NCKAP5: variants seen among roughly 807,000 people sequenced by gnomAD.
NCKAP5 encodes nck-associated protein 5.
NCKAP5 carries 92 observed loss-of-function variants against 167.0 expected under a neutral mutation model. The observed-to-expected ratio is 0.55, with a 90% CI of 0.47 to 0.66. NCKAP5 has a LOEUF of 0.66. Ranked by LOEUF, NCKAP5 falls within the 30% of genes least tolerant of loss-of-function variation. The pLI is 0.00. For missense variants in NCKAP5, 2,378 were observed against 2,315.0 expected, an observed-to-expected ratio of 1.03 and a Z score of -0.56; for synonymous variants, 891 against 877.4, an observed-to-expected ratio of 1.02 and a Z score of -0.27.
intron 7 of NCKAP5, among the ~76,000 whole-genome samples, chr2:132,975,249 G>A (rs1272817955): frequency 6.6e-6 from 1 of 152,148 alleles, no homozygotes; most frequent in Non-Finnish European, 1.5e-5. Flanking sequence ...CTTACAAAGA[G>A]AACTAAGCAC....
intron 2 of NCKAP5, among the ~76,000 whole-genome samples, chr2:133,519,727 T>A (rs1392851738): frequency 6.6e-6 from 1 of 152,186 alleles, no homozygotes; most frequent in Admixed American, 6.5e-5. Flanking sequence ...GAATACTGTA[T>A]GGAAAACAAT....
chr2:132,998,152 T>A (rs1297287669), intron 6 of NCKAP5, among the ~76,000 whole-genome samples: 4 of 152,248 alleles, frequency 2.6e-5, no homozygotes, highest in Non-Finnish European at 4.4e-5. Flanking sequence ...AGAACTCGGT[T>A]AAAATGAAAT....
At position 133,373,669 on chromosome 2, in the gene NCKAP5, A is replaced by G. The variant is rs550919755; in HGVS notation, c.70-70559T>C. 3.1e-3 allele frequency among the ~76,000 whole-genome samples: 476 copies of G among 152,356 alleles called. 3 individuals carry two copies. The highest frequency in any genetic ancestry group is 0.011 in the African/African-American group (453 of 41,584). On this transcript the variant is annotated intron_variant, in intron 3 of 19. Transcript: ENST00000409261. ...ACCGTCTGACTTCAAAATGCACTAC[A>G]TGGAGACTCAAATCAGGACCTTGTG...
the NCKAP5 span, among the ~76,000 whole-genome samples, chr2:133,591,093 C>T: frequency 1.3e-5 from 2 of 152,122 alleles, no homozygotes; most frequent in Non-Finnish European, 2.9e-5. Context: ...CTGGAGTCCA[C>T]ACTGCAGAGA....
At chr2:133,248,152 C>A (rs1015683682) in intron 4 of NCKAP5, among the ~76,000 whole-genome samples, 1 of 152,192 alleles carries the variant, frequency 6.6e-6, no homozygotes, top group Non-Finnish European at 1.5e-5. Context: ...GCTGGTCACA[C>A]AACTTTCGTT....
intron 6 of NCKAP5, among the ~76,000 whole-genome samples, chr2:133,005,453 C>T (rs1238529705): frequency 6.6e-6 from 1 of 152,090 alleles, no homozygotes; most frequent in African/African-American, 2.4e-5. Context: ...ATATCATTTC[C>T]CATGTTCAGT....
chr2:133,412,724 T>C (rs1232756213), intron 3 of NCKAP5, among the ~76,000 whole-genome samples: 1 of 152,234 alleles, frequency 6.6e-6, no homozygotes, highest in Non-Finnish European at 1.5e-5. Context: ...TCTAAAACTT[T>C]ATTGGCAACT....
intron 3 of NCKAP5, among the ~76,000 whole-genome samples, chr2:133,379,769 A>C (rs1686389734): frequency 6.6e-6 from 1 of 152,226 alleles, no homozygotes; most frequent in Admixed American, 6.5e-5. Context: ...AGGTAATGTC[A>C]GCGCACTTCA....
At chr2:133,449,816 TCA>T (rs1691431413) in intron 3 of NCKAP5, among the ~76,000 whole-genome samples, 2 of 152,180 alleles carry the variant, frequency 1.3e-5, no homozygotes, top group South Asian at 4.1e-4. Flanking sequence ...CATCCAAATC[TCA>T]CAGTTTCCAG....
rs181646007 is a variant in NCKAP5, at chr2:132,926,099, C to T, written c.579+37621G>A. 9 of 293,770 alleles carry T rather than the reference C, an allele frequency of 3.1e-5. No individual in the cohort carries two copies. The East Asian group carries it at 8.2e-4, about 27-fold the overall frequency. 18.2% of individuals were successfully genotyped at this position (293,770 alleles called of 1,614,324 possible). ...CACACACTTTAGGTCCATGTGTACA[C>T]ATTATTTAGTTCCCACTTACAAGTG... is the stretch of plus-strand genomic sequence containing the variant. On this transcript the variant is annotated intron_variant, in intron 8 of 19. Transcript: ENST00000409261.
chr2:133,204,005 G>C (rs999585567), intron 5 of NCKAP5, among the ~76,000 whole-genome samples: 1 of 152,148 alleles, frequency 6.6e-6, no homozygotes, highest in Non-Finnish European at 1.5e-5. Flanking sequence ...CTCAACAGAA[G>C]TTATTGCTTT....
intron 19 of NCKAP5, among the ~76,000 whole-genome samples, chr2:132,710,342 T>G (rs1321993474): frequency 2.0e-5 from 3 of 152,278 alleles, no homozygotes; most frequent in Non-Finnish European, 4.4e-5. Flanking sequence ...TCAACAACAA[T>G]CAAGAATGTC....
At chr2:133,069,211 G>A (rs2080303159) in intron 6 of NCKAP5, among the ~76,000 whole-genome samples, 1 of 152,092 alleles carries the variant, frequency 6.6e-6, no homozygotes, top group Admixed American at 6.5e-5. Context: ...TAAAGCACTG[G>A]AAAATAAAAT....
chr2:132,713,121 C>T (rs1467202531), intron 19 of NCKAP5, among the ~76,000 whole-genome samples: 1 of 150,866 alleles, frequency 6.6e-6, no homozygotes, highest in Non-Finnish European at 1.5e-5. Context: ...GCATTTTTTG[C>T]TTTGTTCAAT....
chr2:132,814,729 G>T (rs955350458), intron 11 of NCKAP5, among the ~76,000 whole-genome samples: 1 of 152,160 alleles, frequency 6.6e-6, no homozygotes, highest in African/African-American at 2.4e-5. Flanking sequence ...CTAAAGATGA[G>T]ACTGTAACAT....
intron 6 of NCKAP5, among the ~76,000 whole-genome samples, chr2:133,042,319 A>G (rs896565165): frequency 1.1e-4 from 17 of 152,242 alleles, no homozygotes; most frequent in Admixed American, 3.3e-4. Flanking sequence ...TGCCTCACTG[A>G]GTAGCACTGA....
chr2:133,349,910 T>C (rs548151406), intron 3 of NCKAP5, among the ~76,000 whole-genome samples: 5 of 152,358 alleles, frequency 3.3e-5, no homozygotes, highest in African/African-American at 4.8e-5. Context: ...AACTTAATTA[T>C]ATTTTTTTAA....
Position 132,709,937 on chromosome 2 carries a change from A to T in NCKAP5, c.5713+15690T>A, listed in dbSNP as rs1688694775. ...TCATTTATTAAAATGGTTAATAAAA[A>T]ATAAAATTTGTTAATAAATCAATAT... On this transcript the variant is annotated intron_variant, in intron 19 of 19. Coordinates refer to ENST00000409261, the MANE Select transcript of NCKAP5 (RefSeq NM_207363.3). Among the ~76,000 whole-genome samples the T allele has an allele frequency of 2.6e-5, 4 of 152,178 alleles. 1 individual carries two copies. The South Asian group carries it at 8.3e-4, about 32-fold the overall frequency.
chr2:132,773,876 T>C lies in NCKAP5; in HGVS notation c.5068A>G (p.Asn1690Asp). ...KDSLVKEANENLQEDEDDAVA... is the reference protein window; with the variant it reads ...KDSLVKEANEDLQEDEDDAVA... ...GCATCGTCTTCATCCTCTTGCAAGTTTTCATTTGCCTCTTTTACCTGCAGG... is the reference window on the plus strand; with the variant it reads ...GCATCGTCTTCATCCTCTTGCAAGTCTTCATTTGCCTCTTTTACCTGCAGG... Residue 1690 changes from asparagine to aspartate, a missense_variant, in exon 16 of 20, where the codon AAC becomes GAC. Around this residue, in one of 3 missense-constraint regions of NCKAP5, gnomAD observed 1,325 missense variants for 1,274.5 expected, o/e 1.04. Coordinates refer to ENST00000409261, the MANE Select transcript of NCKAP5 (RefSeq NM_207363.3). 1 of 1,610,790 alleles carries C rather than the reference T, an allele frequency of 6.2e-7. No homozygotes were observed. The highest frequency in any genetic ancestry group is 1.1e-5 in the South Asian group (1 of 89,998).
Sources: allele counts gnomAD v4.1 joint callset (sites outside exome capture counted in the v4.1 genomes callset), GRCh38; gene constraint gnomAD v4.1.1; regional missense constraint gnomAD v4.1.1; transcripts MANE v1.5; gene names NCBI Gene and HGNC (gene_info 2026-07-23, HGNC 2026-07-21).